POMT2: variants seen among roughly 807,000 people sequenced by gnomAD.
POMT2 encodes protein O-mannosyl-transferase 2.
A neutral mutation model predicts 100.0 loss-of-function variants in POMT2; 75 were observed. That is an observed-to-expected ratio of 0.75 (90% CI 0.62 to 0.91). The LOEUF (loss-of-function observed/expected upper bound fraction) is 0.91. POMT2 is among the 40% of genes least tolerant of loss of function. The pLI, the probability that POMT2 is intolerant of heterozygous loss-of-function variation, is 0.00. For synonymous variants in POMT2, 378 were observed against 374.1 expected (o/e 1.01, Z -0.12); for missense variants, 940 against 955.1 (o/e 0.98, Z 0.21).
intron 3 of POMT2, among the ~76,000 whole-genome samples, chr14:77,305,843 T>G (rs1376838616): frequency 2.6e-5 from 4 of 152,226 alleles, no homozygotes; most frequent in African/African-American, 9.6e-5. Flanking sequence ...TGGAAAACTC[T>G]TTCTGTGTGC....
At position 77,283,816 on chromosome 14, in the gene POMT2, G is replaced by C. The variant is rs1194093757; in HGVS notation, c.1634C>G (p.Ser545Cys). The C allele has an allele frequency of 1.9e-6, 3 of 1,611,812 alleles. No individual in the cohort carries two copies. Among genetic ancestry groups the C allele is most frequent in the African/African-American group, 2.7e-5 (2 of 74,858 alleles). The change falls in exon 15 of 21, where the codon TCC (serine) becomes TGC (cysteine). Residue 545 changes from serine (S) to cysteine (C), a missense_variant. Physicochemically the swap from Ser to Cys is moderately radical, Grantham distance 112. Transcript: ENST00000261534. ...QPSFPEILLE[S>C]HMVMIRGNSG... ...ACATACCCGGATCATGACCATGTGG[G>C]ATTCCAGCAAGATCTCAGGAAAACT...
intron 18 of POMT2, 97 bp downstream of exon 18, chr14:77,279,726 G>A (rs1251102420): frequency 8.2e-6 from 10 of 1,225,376 alleles, no homozygotes; most frequent in Admixed American, 3.9e-5. Context: ...GGTGGTAAAC[G>A]CAAAGGATGG....
At chr14:77,308,977 A>G (rs921170324) in intron 2 of POMT2, among the ~76,000 whole-genome samples, 1 of 152,230 alleles carries the variant, frequency 6.6e-6, no homozygotes, top group Non-Finnish European at 1.5e-5. Flanking sequence ...GCACATCTAC[A>G]TAATAGAATG....
At position 77,286,779 on chromosome 14, in the gene POMT2, T is replaced by C; in HGVS notation, c.1297A>G (p.Thr433Ala). Residue 433 changes from threonine (T) to alanine (A), a missense_variant, in exon 12 of 21, where the codon ACC (threonine) becomes GCC (alanine). By Grantham distance (58) the Thr-to-Ala change is moderately conservative. Transcript: ENST00000261534. ...LHSHYHEAPM[T>A]RKHYQVTGYG... ...CCGGTGACCTGATAGTGCTTCCGGG[T>C]CATGGGGGCCTCATGATAGTGACTG... 6.2e-7 allele frequency: 1 copy of C among 1,614,120 alleles called. No individual in the cohort carries two copies. The highest frequency in any genetic ancestry group is 8.5e-7 in the Non-Finnish European group (1 of 1,180,022).
At chr14:77,306,524 C>A (rs1891235684) in intron 2 of POMT2, 83 bp from the exon 3 acceptor site, 1 of 1,520,554 alleles carries the variant, frequency 6.6e-7, no homozygotes, top group African/African-American at 1.4e-5. Context: ...CCAGCTGCAC[C>A]CACAGACTTT....
In POMT2 at chr14:77,280,073, C is replaced by T. The variant is rs571330846; in HGVS notation, c.1733G>A (p.Arg578His). The T allele has an allele frequency of 2.2e-5, 35 of 1,613,846 alleles. No individual in the cohort carries two copies. The highest frequency in any genetic ancestry group is 1.7e-4 in the Admixed American group (10 of 60,026). ...ATCTGTGTCATTGACCCCTGAGAAGCGTAGGCCCTGTGGAATAGAGACCAC... is the reference window on the plus strand; with the variant it reads ...ATCTGTGTCATTGACCCCTGAGAAGTGTAGGCCCTGTGGAATAGAGACCAC... ...WHWPINYQGL[R>H]FSGVNDTDFR... Residue 578 changes from arginine to histidine, a missense_variant, in exon 17 of 21, where the codon CGC becomes CAC. By Grantham distance (29) the Arg-to-His change is conservative. Transcript: ENST00000261534.
chr14:77,292,275 A>AT (rs1207512373), intron 9 of POMT2, among the ~76,000 whole-genome samples: 3 of 152,268 alleles, frequency 2.0e-5, no homozygotes, highest in South Asian at 2.1e-4. Context: ...GTTTCAGAGC[A>AT]TTTTTTTAGC....
chr14:77,302,628 A>G (rs1488680977), intron 5 of POMT2, among the ~76,000 whole-genome samples: 1 of 152,258 alleles, frequency 6.6e-6, no homozygotes, highest in Non-Finnish European at 1.5e-5. Flanking sequence ...TATGGCAAAA[A>G]TAAAATCACC....
At chr14:77,299,590 AG>A (rs1309638711) in intron 6 of POMT2, 29 bp from the exon 7 acceptor site, 1 of 1,543,688 alleles carries the variant, frequency 6.5e-7, no homozygotes, top group African/African-American at 1.4e-5. Flanking sequence ...GTGGGGTGCT[AG>A]GCATGTGAGA....
At chr14:77,304,922 A>G in intron 3 of POMT2, 122 bp from the exon 4 acceptor site, 1 of 1,499,406 alleles carries the variant, frequency 6.7e-7, no homozygotes, top group Non-Finnish European at 9.0e-7. Context: ...TGGTGACCTA[A>G]AGTCACCTAG....
intron 1 of POMT2, 105 bp downstream of exon 1, chr14:77,320,329 G>A: frequency 2.6e-6 from 4 of 1,526,588 alleles, no homozygotes; most frequent in Admixed American, 2.0e-5. Context: ...CTCCACCGTG[G>A]CCCTCCTCCT....
chr14:77,317,585 A>T (rs181641513), intron 1 of POMT2, among the ~76,000 whole-genome samples: 3 of 152,302 alleles, frequency 2.0e-5, no homozygotes, highest in Admixed American at 2.0e-4. Context: ...TTTTGATTCT[A>T]TGTTTTTAAC....
chr14:77,285,171 C>T (rs1231061985), intron 13 of POMT2, 130 bp from the exon 14 acceptor site: 2 of 873,694 alleles, frequency 2.3e-6, no homozygotes, highest in Non-Finnish European at 3.7e-6. Context: ...TCTTCATGTT[C>T]CATGTTGGAC....
chr14:77,319,582 C>G (rs8177533), intron 1 of POMT2: 5 of 152,194 alleles, frequency 3.3e-5, no homozygotes, highest in Non-Finnish European at 5.9e-5. Flanking sequence ...AAGAGGAGGT[C>G]TGCGTACTGC....
At chr14:77,288,720 G>A in intron 11 of POMT2, 42 bp downstream of exon 11, 4 of 1,539,110 alleles carry the variant, frequency 2.6e-6, no homozygotes, top group Non-Finnish European at 3.6e-6. Flanking sequence ...CCTCCCCTTG[G>A]TGCCCGTACC....
At chr14:77,297,452 G>C (rs941917172) in intron 8 of POMT2, among the ~76,000 whole-genome samples, 1 of 152,134 alleles carries the variant, frequency 6.6e-6, no homozygotes, top group African/African-American at 2.4e-5. Context: ...TCCTTTGAAA[G>C]CATCAGCCCC....
chr14:77,283,747 G>T, intron 15 of POMT2, 50 bp downstream of exon 15: 1 of 1,473,466 alleles, frequency 6.8e-7, no homozygotes, highest in Non-Finnish European at 9.5e-7. Flanking sequence ...CAAATTCATG[G>T]CTGCCCAAAA....
intron 18 of POMT2, chr14:77,279,441 G>C (rs547933751): frequency 2.2e-6 from 1 of 448,600 alleles, no homozygotes; most frequent in South Asian, 1.6e-5. Context: ...CAAGGAGGTG[G>C]CAGAAAAGAT....
chr14:77,279,554 G>A (rs1890126845), intron 18 of POMT2: 1 of 599,230 alleles, frequency 1.7e-6, no homozygotes. Flanking sequence ...ATGTCCTGGG[G>A]CAAGTTTCTT....
Sources: gnomAD v4.1 joint callset for allele counts (sites outside exome capture counted in the v4.1 genomes callset) on GRCh38, gnomAD v4.1.1 for gene constraint, MANE v1.5 for transcripts, NCBI Gene and HGNC (gene_info 2026-07-23, HGNC 2026-07-21) for gene names.